WDR27: variants seen among roughly 807,000 people sequenced by gnomAD.
WDR27 encodes WD repeat domain 27.
Under a neutral mutation model 114.4 loss-of-function variants are expected in WDR27, and 100 were observed. That is an observed-to-expected ratio of 0.87 (90% CI 0.74 to 1.03). The LOEUF (loss-of-function observed/expected upper bound fraction) is 1.03. WDR27 is among the 50% of genes least tolerant of loss of function. The pLI is 0.00. For missense variants in WDR27, 1,129 were observed against 1,092.9 expected (o/e 1.03, Z -0.47); for synonymous variants, 449 against 423.1 (o/e 1.06, Z -0.75).
intron 5 of WDR27, among the ~76,000 whole-genome samples, chr6:169,667,584 G>T (rs1585040320): frequency 6.6e-6 from 1 of 152,222 alleles, no homozygotes; most frequent in Non-Finnish European, 1.5e-5. Context: ...ACTGATGTCA[G>T]CTGGATAAAA....
In WDR27 at chr6:169,529,320, G is replaced by GT. The variant is rs950091968; in HGVS notation, c.2645+43098_2645+43099insA. ...AACGGTGGTGACCTCTGCGGGGGGG[G>GT]GGGGCAGCTAATGCTAATAAGCTAT... On this transcript the variant is annotated intron_variant, in intron 25 of 25. Transcript: ENST00000448612. Among the ~76,000 whole-genome samples the GT allele has an allele frequency of 1.1e-4, 15 of 142,252 alleles. 1 individual carries two copies. The highest frequency in any genetic ancestry group is 2.3e-4 in the Non-Finnish European group (15 of 64,478). 93.3% of individuals were successfully genotyped at this position (142,252 alleles called of 152,430 possible).
rs1788107775 is a variant in WDR27 at position 169,701,668 on chromosome 6, TAGCA to T, written c.-129_-126del. ...CGAATTCCCCTGGAGACCCTCGCAC[TAGCA>T]CGGCGTCAGGAGGAGGCTTCGGGTG... On this transcript the variant is annotated 5_prime_UTR_variant, in exon 1 of 26. Coordinates refer to ENST00000448612, the MANE Select transcript of WDR27 (RefSeq NM_182552.5). 5.8e-6 allele frequency: 1 copy of T among 173,244 alleles called. No homozygotes were observed. Among genetic ancestry groups the T allele is most frequent in the Non-Finnish European group, 1.2e-5 (1 of 80,342 alleles). 10.7% of individuals were successfully genotyped at this position (173,244 alleles called of 1,614,324 possible). A position where few individuals can be genotyped will look rare whatever the true frequency, so the allele number is the denominator to read the frequency against.
At chr6:169,577,251 G>C (rs930564694) in intron 24 of WDR27, among the ~76,000 whole-genome samples, 1 of 152,186 alleles carries the variant, frequency 6.6e-6, no homozygotes, top group East Asian at 1.9e-4. Flanking sequence ...TGGGAAAGTG[G>C]GAATGGGACG....
At chr6:169,553,277 C>A (rs1342057229) in intron 25 of WDR27, among the ~76,000 whole-genome samples, 1 of 152,092 alleles carries the variant, frequency 6.6e-6, no homozygotes, top group Non-Finnish European at 1.5e-5. Context: ...CCCAGCCCGG[C>A]CCAGCAACGT....
chr6:169,429,749 T>C, the WDR27 span, among the ~76,000 whole-genome samples: 3 of 152,204 alleles, frequency 2.0e-5, no homozygotes, highest in Admixed American at 6.5e-5. Flanking sequence ...CAACCCACAA[T>C]TTCTGACCTG....
At chr6:169,618,655 T>C (rs769348744) in intron 21 of WDR27, among the ~76,000 whole-genome samples, 80 of 143,984 alleles carry the variant, frequency 5.6e-4, no homozygotes, top group Non-Finnish European at 9.8e-4. Context: ...AAAAACATTA[T>C]TGATGCATGA....
intron 2 of WDR27, among the ~76,000 whole-genome samples, chr6:169,678,738 A>G (rs1002433317): frequency 3.9e-5 from 6 of 152,234 alleles, no homozygotes; most frequent in African/African-American, 1.4e-4. Context: ...TGACTCTGGC[A>G]TAACAAGGAA....
chr6:169,659,122 C>G lies in WDR27; in HGVS notation c.1283G>C (p.Cys428Ser), dbSNP rs1825191902. ...NPAALVRAQQCPSMGQSLSVP... is the reference protein window; with the variant it reads ...NPAALVRAQQSPSMGQSLSVP... ...CGAGAGGCTCTGCCCCATGCTGGGG[C>G]ACTGCTGAGCCCTGACTAGCGCGGC... The change falls in exon 12 of 26, where the codon TGC (cysteine) becomes TCC (serine). Residue 428 changes from cysteine to serine, a missense_variant. Coordinates refer to ENST00000448612, the MANE Select transcript of WDR27 (RefSeq NM_182552.5). This position sits in a 1 kb window ranked among gnomAD's most constrained non-coding sequence, Gnocchi z 4.3. 6.3e-7 allele frequency: 1 copy of G among 1,598,648 alleles called. No homozygotes were observed.
intron 16 of WDR27, among the ~76,000 whole-genome samples, chr6:169,647,274 C>G (rs560655046): frequency 6.6e-6 from 1 of 152,362 alleles, no homozygotes; most frequent in Admixed American, 6.5e-5. Flanking sequence ...GAGACACACT[C>G]AGCCCTGCAG....
chr6:169,426,945 C>G, the WDR27 span: 2 of 90,300 alleles, frequency 2.2e-5, no homozygotes, highest in African/African-American at 8.2e-5. Flanking sequence ...AGACAAGGGT[C>G]GTGGCAGTGC....
intron 1 of WDR27, 132 bp from the exon 2 acceptor site, chr6:169,689,144 C>T (rs891298912): frequency 1.9e-6 from 1 of 534,770 alleles, no homozygotes; most frequent in Non-Finnish European, 3.1e-6. Flanking sequence ...TTCACCTCTC[C>T]TCATCCCAAG....
intron 1 of WDR27, among the ~76,000 whole-genome samples, chr6:169,700,003 A>C (rs1306366854): frequency 6.6e-6 from 1 of 152,114 alleles, no homozygotes; most frequent in Non-Finnish European, 1.5e-5. Context: ...AGAACAATGG[A>C]CAAGGGAATT....
At chr6:169,515,480 T>A (rs1793524285) in intron 25 of WDR27, among the ~76,000 whole-genome samples, 1 of 152,210 alleles carries the variant, frequency 6.6e-6, no homozygotes, top group South Asian at 2.1e-4. Context: ...GTTATTGGGT[T>A]ATGCATGTCT....
At chr6:169,516,471 G>C (rs2997888) in intron 25 of WDR27, among the ~76,000 whole-genome samples, 125,605 of 152,052 alleles carry the variant, frequency 0.83, 53,238 homozygotes, top group Non-Finnish European at 0.93. Context: ...ACTCCTCCAG[G>C]GGGGCTAATT....
chr6:169,682,591 TGAA>T (rs1187355021), intron 2 of WDR27, among the ~76,000 whole-genome samples: 1 of 152,234 alleles, frequency 6.6e-6, no homozygotes. Flanking sequence ...GAAGGCCCTC[TGAA>T]GAAGGACAGG....
chr6:169,503,712 G>T (rs1157183816), intron 25 of WDR27, among the ~76,000 whole-genome samples: 1 of 152,038 alleles, frequency 6.6e-6, no homozygotes, highest in Non-Finnish European at 1.5e-5. Context: ...TCCTGGGCCT[G>T]CCCGGTATTC....
chr6:169,558,034 G>A (rs1313681825), intron 25 of WDR27, among the ~76,000 whole-genome samples: 2 of 151,956 alleles, frequency 1.3e-5, no homozygotes, highest in African/African-American at 4.8e-5. Flanking sequence ...CATAAATCAG[G>A]TCACTATATT....
At chr6:169,495,275 A>C (rs1422354775) in intron 25 of WDR27, among the ~76,000 whole-genome samples, 1 of 152,070 alleles carries the variant, frequency 6.6e-6, no homozygotes, top group Admixed American at 6.5e-5. Context: ...AGCGTTTCCT[A>C]ATATATGAGA....
rs145698290 is a variant in WDR27, at chr6:169,502,700, C to T, written c.2646-45066G>A. Among the ~76,000 whole-genome samples, 914 of 152,236 alleles carry T rather than the reference C, an allele frequency of 6.0e-3. 9 individuals are homozygous for T. The highest frequency in any genetic ancestry group is 0.02 in the African/African-American group (851 of 41,540). ...CCTCCCTCTTAAGCTCCCTCGTGAT[C>T]GCACTGGGGCCCTGGGTCACCCGGG... On this transcript the variant is annotated intron_variant, in intron 25 of 25. Coordinates refer to ENST00000448612, the MANE Select transcript of WDR27 (RefSeq NM_182552.5).
Sources: allele counts gnomAD v4.1 joint callset (sites outside exome capture counted in the v4.1 genomes callset), GRCh38; gene constraint gnomAD v4.1.1; non-coding constraint Gnocchi (gnomAD v3.1); transcripts MANE v1.5; gene names NCBI Gene and HGNC (gene_info 2026-07-23, HGNC 2026-07-21).